ZNF138: variants seen among roughly 807,000 people sequenced by gnomAD.
ZNF138 encodes the protein zinc finger protein 138, also known as zinc finger protein 138 (clone pHZ-32).
ZNF138 carries 33 observed loss-of-function variants against 33.0 expected under a neutral mutation model. That is an observed-to-expected ratio of 1.00 (90% CI 0.76 to 1.34). The LOEUF is 1.34. Among genes scored for constraint, ZNF138 ranks in the 40% most tolerant of loss-of-function variants. The pLI, the probability that ZNF138 is intolerant of heterozygous loss-of-function variation, is 0.00. For synonymous variants in ZNF138, 139 were observed against 120.4 expected (o/e 1.15, Z -1.01); for missense variants, 360 against 370.8 (o/e 0.97, Z 0.24).
At chr7:64,828,464 G>A (rs557363188) in intron 3 of ZNF138, among the ~76,000 whole-genome samples, 1 of 151,998 alleles carries the variant, frequency 6.6e-6, no homozygotes, top group Admixed American at 6.5e-5. Context: ...CATTTTGCAT[G>A]TTATGAAGAT....
At position 64,823,811 on chromosome 7, in the gene ZNF138, G is replaced by A. The variant is rs571220418; in HGVS notation, c.209-7640G>A. ...AAATTAGCTGGGCGTGGTGGCACGC[G>A]CCTGTAGTCCCAGCTACTCTGGAGG... On this transcript the variant is annotated intron_variant, in intron 3 of 3. Coordinates refer to ENST00000307355, the MANE Select transcript of ZNF138 (RefSeq NM_001271639.2). Among the ~76,000 whole-genome samples, 33 of 152,240 alleles carry A rather than the reference G, an allele frequency of 2.2e-4. 1 individual carries two copies. The highest frequency in any genetic ancestry group is 7.2e-4 in the African/African-American group (30 of 41,544).
intron 1 of ZNF138, among the ~76,000 whole-genome samples, chr7:64,801,857 A>G (rs1787162399): frequency 6.6e-6 from 1 of 152,224 alleles, no homozygotes; most frequent in Non-Finnish European, 1.5e-5. Flanking sequence ...CTTGGGACCC[A>G]AAACTCATTA....
rs1461765824 is a variant in ZNF138 at position 64,832,684 on chromosome 7, G to T, written c.*482G>T. ...AAACCCTACAAATGTGAACAGTGTG[G>T]CAAGGTCTTTAAGAAGTCCTCAACT... On this transcript the variant is annotated 3_prime_UTR_variant, in exon 4 of 4. Coordinates refer to ENST00000307355, the MANE Select transcript of ZNF138 (RefSeq NM_001271639.2). 2 of 432,810 alleles carry T rather than the reference G, an allele frequency of 4.6e-6. No individual in the cohort carries two copies. Among genetic ancestry groups the T allele is most frequent in the East Asian group, 5.9e-5 (1 of 17,034 alleles). 26.8% of individuals were successfully genotyped at this position (432,810 alleles called of 1,614,324 possible).
the ZNF138 span, among the ~76,000 whole-genome samples, chr7:64,844,801 C>T: frequency 2.6e-5 from 4 of 152,142 alleles, no homozygotes; most frequent in Non-Finnish European, 4.4e-5. Flanking sequence ...ATTCTCCTGC[C>T]TCAGCTTCCT....
intron 1 of ZNF138, among the ~76,000 whole-genome samples, chr7:64,800,163 C>A (rs1020592552): frequency 6.6e-6 from 1 of 152,152 alleles, no homozygotes; most frequent in African/African-American, 2.4e-5. Context: ...GACTTTTTCT[C>A]TTCTATTGAA....
downstream of ZNF138, among the ~76,000 whole-genome samples, chr7:64,837,724 C>T (rs556000907): frequency 6.6e-6 from 1 of 152,248 alleles, no homozygotes; most frequent in East Asian, 1.9e-4. Context: ...GTGGTTGTCA[C>T]CTGTTTGACT....
chr7:64,812,924 G>A (rs1331590012), intron 1 of ZNF138, among the ~76,000 whole-genome samples: 4 of 149,312 alleles, frequency 2.7e-5, no homozygotes, highest in Non-Finnish European at 5.9e-5. Context: ...GGAATGCCAT[G>A]CGTTTAGTAC....
chr7:64,851,499 AC>A, the ZNF138 span, among the ~76,000 whole-genome samples: 5 of 152,214 alleles, frequency 3.3e-5, no homozygotes, highest in Non-Finnish European at 7.3e-5. Flanking sequence ...TTTTAAGAAA[AC>A]AAAAGGCCTG....
intron 1 of ZNF138, 57 bp from the exon 2 acceptor site, chr7:64,814,859 ATT>A: frequency 3.7e-6 from 6 of 1,603,034 alleles, no homozygotes; most frequent in Non-Finnish European, 5.1e-6. Context: ...CAAATTTAAA[ATT>A]CTGCCCATGG....
chr7:64,819,771 T>G (rs62456837), intron 3 of ZNF138, among the ~76,000 whole-genome samples: 6,680 of 151,966 alleles, frequency 0.044, 249 homozygotes, highest in East Asian at 0.14. Flanking sequence ...TTAAATCTAT[T>G]CAAGTGTGCA....
chr7:64,805,164 C>T (rs754301022), intron 1 of ZNF138, among the ~76,000 whole-genome samples: 6 of 152,006 alleles, frequency 3.9e-5, no homozygotes, highest in South Asian at 4.2e-4. Context: ...TTTGGGAGGC[C>T]GAGGTGGGTG....
the ZNF138 span, among the ~76,000 whole-genome samples, chr7:64,846,326 G>A: frequency 2.6e-5 from 4 of 152,150 alleles, no homozygotes; most frequent in Admixed American, 2.0e-4. Context: ...GATGGGAATT[G>A]TGTTTAATTT....
intron 2 of ZNF138, among the ~76,000 whole-genome samples, chr7:64,815,357 T>C (rs1475482897): frequency 6.6e-6 from 1 of 152,172 alleles, no homozygotes; most frequent in Non-Finnish European, 1.5e-5. Context: ...TTATTTTGAA[T>C]CAATAGTACT....
At position 64,831,661 on chromosome 7, in the gene ZNF138, A is replaced by T; in HGVS notation, c.419A>T (p.Gln140Leu). Residue 140 changes from glutamine (Q) to leucine (L), a missense_variant, in exon 4 of 4, where the codon CAA becomes CTA. Physicochemically the swap from Gln to Leu is moderately radical, Grantham distance 113. Coordinates refer to ENST00000307355, the MANE Select transcript of ZNF138 (RefSeq NM_001271639.2). ...AAAATTACCACAAGCAAAATATTTC[A>T]ATGTAATAAATATGTAAAAGTCATG... ...CLKITTSKIF[Q>L]CNKYVKVMHK... is the part of the protein sequence containing the mutation. 6.2e-7 allele frequency: 1 copy of T among 1,608,634 alleles called. No homozygotes were observed. The highest frequency in any genetic ancestry group is 8.5e-7 in the Non-Finnish European group (1 of 1,177,974).
At chr7:64,836,362 G>T (rs1296037161), downstream of ZNF138, 1 of 152,278 alleles carries the variant, frequency 6.6e-6, no homozygotes, top group Non-Finnish European at 1.5e-5. Flanking sequence ...CGAGAAGGGG[G>T]AGGACTTGGC....
At chr7:64,838,105 C>T (rs1208288553), downstream of ZNF138, among the ~76,000 whole-genome samples, 1 of 151,962 alleles carries the variant, frequency 6.6e-6, no homozygotes, top group Non-Finnish European at 1.5e-5. Flanking sequence ...TTACCCGCTA[C>T]CTGAAGCATT....
At chr7:64,854,704 G>T in the ZNF138 span, among the ~76,000 whole-genome samples, 1 of 152,100 alleles carries the variant, frequency 6.6e-6, no homozygotes, top group Non-Finnish European at 1.5e-5. Context: ...TTTTGAAATG[G>T]CCAGATTACT....
At chr7:64,818,491 C>T (rs1292953621) in intron 3 of ZNF138, among the ~76,000 whole-genome samples, 1 of 152,030 alleles carries the variant, frequency 6.6e-6, no homozygotes, top group Non-Finnish European at 1.5e-5. Context: ...GTGGCTCACG[C>T]CTGTAATCCC....
At chr7:64,847,027 T>A in the ZNF138 span, among the ~76,000 whole-genome samples, 1 of 152,180 alleles carries the variant, frequency 6.6e-6, no homozygotes, top group African/African-American at 2.4e-5. Context: ...AATCGTGATT[T>A]TTTGTTTTAA....
Sources: gnomAD v4.1 joint callset for allele counts (sites outside exome capture counted in the v4.1 genomes callset) on GRCh38, gnomAD v4.1.1 for gene constraint, MANE v1.5 for transcripts, NCBI Gene and HGNC (gene_info 2026-07-23, HGNC 2026-07-21) for gene names.